MBD5: variants seen among roughly 807,000 people sequenced by gnomAD.
MBD5 encodes methyl-CpG binding domain protein 5.
In MBD5, 13 loss-of-function variants were observed where a neutral mutation model predicts 117.3. The observed-to-expected ratio is 0.11, with a 90% CI of 0.07 to 0.18. The LOEUF is 0.18. Among genes scored for constraint, MBD5 ranks in the 10% least tolerant of loss-of-function variants. The pLI is 1.00. For missense variants in MBD5, 1,879 were observed against 2,093.8 expected (o/e 0.90, Z 2.00); for synonymous variants, 727 against 766.4 (o/e 0.95, Z 0.85).
intron 3 of MBD5, among the ~76,000 whole-genome samples, chr2:148,279,799 A>G (rs1342353211): frequency 1.3e-5 from 2 of 152,212 alleles, no homozygotes; most frequent in Non-Finnish European, 2.9e-5. Context: ...TAAGAAGTGT[A>G]TCTCTCTGTG....
chr2:148,479,478 T>C (rs1013745950), intron 8 of MBD5, among the ~76,000 whole-genome samples: 13 of 152,188 alleles, frequency 8.5e-5, no homozygotes, highest in African/African-American at 3.1e-4. Flanking sequence ...ATACCGATCA[T>C]GTGTCAGAGA....
At chr2:148,200,023 C>G (rs551394416) in intron 2 of MBD5, among the ~76,000 whole-genome samples, 3 of 152,098 alleles carry the variant, frequency 2.0e-5, no homozygotes, top group Non-Finnish European at 4.4e-5. Flanking sequence ...TAATCGTTTG[C>G]ATATCCTCTT....
intron 1 of MBD5, among the ~76,000 whole-genome samples, chr2:148,022,715 A>G (rs1384567059): frequency 6.6e-6 from 1 of 152,318 alleles, no homozygotes; most frequent in Non-Finnish European, 1.5e-5. Context: ...TGCCCACTGT[A>G]TGTAAAAGTA....
chr2:148,170,445 G>A (rs1040693514), intron 1 of MBD5, among the ~76,000 whole-genome samples: 1 of 152,154 alleles, frequency 6.6e-6, no homozygotes, highest in Non-Finnish European at 1.5e-5. Flanking sequence ...CTTTTAAACA[G>A]CAAATATAAG....
At chr2:148,211,261 T>C (rs1455044779) in intron 2 of MBD5, among the ~76,000 whole-genome samples, 1 of 152,180 alleles carries the variant, frequency 6.6e-6, no homozygotes, top group African/African-American at 2.4e-5. Flanking sequence ...TTCTTCATTC[T>C]TTCATTTTTC....
chr2:148,411,020 G>A (rs543442404), intron 4 of MBD5, among the ~76,000 whole-genome samples: 1 of 152,164 alleles, frequency 6.6e-6, no homozygotes, highest in Admixed American at 6.5e-5. Flanking sequence ...CACCCTCCAC[G>A]CTCAAGTGGG....
chr2:148,278,715 C>T (rs979034579), intron 3 of MBD5, among the ~76,000 whole-genome samples: 2 of 152,104 alleles, frequency 1.3e-5, no homozygotes. Context: ...GGAATTGGCT[C>T]ACTTGATTAT....
chr2:148,376,017 G>A (rs1703975944), intron 4 of MBD5, among the ~76,000 whole-genome samples: 1 of 150,862 alleles, frequency 6.6e-6, no homozygotes, highest in Non-Finnish European at 1.5e-5. Flanking sequence ...GTGCATTGTA[G>A]GATGTTTAGC....
chr2:148,214,508 T>C (rs968503596), intron 2 of MBD5, among the ~76,000 whole-genome samples: 3 of 152,184 alleles, frequency 2.0e-5, no homozygotes, highest in Non-Finnish European at 4.4e-5. Context: ...AATTCATTGG[T>C]TGGAAAAATC....
intron 8 of MBD5, chr2:148,481,923 T>A (rs1230579548): frequency 1.3e-5 from 2 of 152,192 alleles, no homozygotes; most frequent in African/African-American, 4.8e-5. Context: ...AGAATTTTCA[T>A]CCCTAGTGTA....
At chr2:148,484,971 C>A (rs1009871356) in intron 9 of MBD5, 2 of 152,004 alleles carry the variant, frequency 1.3e-5, no homozygotes, top group African/African-American at 4.8e-5. Flanking sequence ...ATAATTAGTT[C>A]TATTTGGCAT....
At chr2:148,383,684 T>C (rs1487406176) in intron 4 of MBD5, among the ~76,000 whole-genome samples, 2 of 152,086 alleles carry the variant, frequency 1.3e-5, no homozygotes, top group Non-Finnish European at 2.9e-5. Context: ...CCAATATCCT[T>C]GATGAACATT....
At chr2:148,376,727 A>G (rs1441440984) in intron 4 of MBD5, among the ~76,000 whole-genome samples, 7 of 140,950 alleles carry the variant, frequency 5.0e-5, no homozygotes, top group Non-Finnish European at 1.1e-4. Flanking sequence ...TATATCTAAT[A>G]TATAATTATA....
At chr2:148,033,403 A>G (rs1275831796) in intron 1 of MBD5, among the ~76,000 whole-genome samples, 1 of 152,116 alleles carries the variant, frequency 6.6e-6, no homozygotes, top group Admixed American at 6.6e-5. Context: ...TACTTTAAAG[A>G]GGAAGTTGAA....
intron 4 of MBD5, among the ~76,000 whole-genome samples, chr2:148,420,121 T>A (rs1003606531): frequency 6.6e-6 from 1 of 152,174 alleles, no homozygotes; most frequent in South Asian, 2.1e-4. Context: ...TTTTTCCCCT[T>A]TATATGAGCA....
At chr2:148,510,506 A>G (rs1361804374) in intron 13 of MBD5, among the ~76,000 whole-genome samples, 1 of 152,244 alleles carries the variant, frequency 6.6e-6, no homozygotes, top group African/African-American at 2.4e-5. Context: ...TGAACCAAAA[A>G]GACAGTGGGG....
chr2:148,066,720 C>T (rs1695205012), intron 1 of MBD5, among the ~76,000 whole-genome samples: 1 of 152,138 alleles, frequency 6.6e-6, no homozygotes, highest in Admixed American at 6.5e-5. Context: ...TCAGGCAATC[C>T]ACCTGCCTTG....
At chr2:148,499,750 A>G (rs912234204) in intron 11 of MBD5, among the ~76,000 whole-genome samples, 3 of 152,210 alleles carry the variant, frequency 2.0e-5, no homozygotes, top group Non-Finnish European at 4.4e-5. Flanking sequence ...TTCATTAAAC[A>G]TGATTTCTAT....
At chr2:148,496,950 T>C (rs1207973812) in intron 11 of MBD5, among the ~76,000 whole-genome samples, 2 of 152,218 alleles carry the variant, frequency 1.3e-5, no homozygotes, top group Admixed American at 1.3e-4. Flanking sequence ...CTTTTTACTC[T>C]AAATTATTTA....
Sources: gnomAD v4.1 joint callset for allele counts (sites outside exome capture counted in the v4.1 genomes callset) on GRCh38, gnomAD v4.1.1 for gene constraint, MANE v1.5 for transcripts, NCBI Gene and HGNC (gene_info 2026-07-23, HGNC 2026-07-21) for gene names.